A2ML1: variants seen among roughly 807,000 people sequenced by gnomAD.
A2ML1 encodes the protein alpha-2-macroglobulin-like protein 1.
In A2ML1, 161 loss-of-function variants were observed where a neutral mutation model predicts 181.9. The observed-to-expected ratio is 0.89, with a 90% confidence interval of 0.78 to 1.01. The LOEUF is 1.01. Ranked by LOEUF, A2ML1 falls within the 50% of genes least tolerant of loss-of-function variation. The pLI is 0.00. For synonymous variants in A2ML1, 663 were observed against 666.8 expected, an observed-to-expected ratio of 0.99 and a Z score of 0.09; for missense variants, 1,670 against 1,768.1, an observed-to-expected ratio of 0.94 and a Z score of 1.00.
intron 12 of A2ML1, among the ~76,000 whole-genome samples, chr12:8,844,216 C>G (rs185380617): frequency 1.5e-4 from 23 of 150,140 alleles, no homozygotes; most frequent in Non-Finnish European, 3.0e-4. Flanking sequence ...ACAAAACCAG[C>G]TGGGTGGTTG....
Position 8,835,524 on chromosome 12 carries a change from G to C in A2ML1, c.501G>C (p.Arg167Ser). The change falls in exon 6 of 36, where the codon AGG becomes AGC. Residue 167 changes from arginine to serine, a missense_variant. Physicochemically the swap from Arg to Ser is moderately radical, Grantham distance 110. Transcript: ENST00000299698. ...TTGGACAGGATCCAAATAGCAACAG[G>C]ATTGCACAGTGGCTGGAAGTGGTAC... Reference protein sequence around the residue: ...MVELQDPNSNRIAQWLEVVPE... With the variant: ...MVELQDPNSNSIAQWLEVVPE... 2 of 1,614,118 alleles carry C rather than the reference G, an allele frequency of 1.2e-6. No homozygotes were observed. The highest frequency in any genetic ancestry group is 1.7e-6 in the Non-Finnish European group (2 of 1,179,994).
chr12:8,873,049 T>A (rs1944681771), intron 33 of A2ML1, among the ~76,000 whole-genome samples: 1 of 151,886 alleles, frequency 6.6e-6, no homozygotes, highest in Admixed American at 6.6e-5. Flanking sequence ...TGTAAGAGAA[T>A]GAGAGTGGAA....
intron 7 of A2ML1, among the ~76,000 whole-genome samples, chr12:8,883,484 T>C (rs1422030301): frequency 2.0e-5 from 3 of 151,464 alleles, no homozygotes; most frequent in Non-Finnish European, 4.4e-5. Context: ...TCTCTCTCTC[T>C]CTTTTTTTTT....
chr12:8,835,370 C>T (rs1943237969), intron 5 of A2ML1, 137 bp from the exon 6 acceptor site: 6 of 993,338 alleles, frequency 6.0e-6, no homozygotes, highest in Non-Finnish European at 9.0e-6. Context: ...GGGAGCTGCT[C>T]TTCCTGGACA....
chr12:8,879,361 T>G (rs1015697375), downstream of A2ML1, among the ~76,000 whole-genome samples: 4 of 151,488 alleles, frequency 2.6e-5, no homozygotes, highest in African/African-American at 9.7e-5. Flanking sequence ...CGTGGTGGCA[T>G]GCGCCTGTAA....
intron 33 of A2ML1, among the ~76,000 whole-genome samples, chr12:8,872,003 C>T (rs1858900789): frequency 6.6e-6 from 1 of 152,006 alleles, no homozygotes; most frequent in African/African-American, 2.4e-5. Context: ...CACAGTGAAA[C>T]CCCGTCTGTA....
intron 26 of A2ML1, 107 bp downstream of exon 26, chr12:8,858,209 G>A: frequency 7.5e-7 from 1 of 1,339,470 alleles, no homozygotes; most frequent in South Asian, 1.5e-5. Context: ...GTTTTCTCCT[G>A]ATCTCCACTG....
At position 8,868,074 on chromosome 12, in the gene A2ML1, G is replaced by T; in HGVS notation, c.3933+17G>T. ...TATGTGCAGGTAAGTAGAGATCCAT[G>T]AGAATGAGCGGACATTGGGAAGGAG... On this transcript the variant is annotated intron_variant, in intron 30 of 35. Transcript: ENST00000299698. 1.2e-6 allele frequency: 2 copies of T among 1,612,494 alleles called. No individual in the cohort carries two copies. Among genetic ancestry groups the T allele is most frequent in the South Asian group, 2.2e-5 (2 of 91,024 alleles).
At chr12:8,844,038 T>G (rs1255007602) in intron 12 of A2ML1, among the ~76,000 whole-genome samples, 2 of 151,832 alleles carry the variant, frequency 1.3e-5, no homozygotes, top group Non-Finnish European at 2.9e-5. Flanking sequence ...TCAATATTCC[T>G]ATGTGGCTAT....
chr12:8,852,346 G>C lies in A2ML1; in HGVS notation c.2590+10G>C. 1 of 1,613,908 alleles carries C rather than the reference G, an allele frequency of 6.2e-7. No individual in the cohort carries two copies. Among genetic ancestry groups the C allele is most frequent in the Non-Finnish European group, 8.5e-7 (1 of 1,179,870 alleles). ...ACAGCTGTCAAATTGGGTAAGAGAG[G>C]GAAGTGGTAGACGGGCGAGGAAAGC... is the stretch of plus-strand genomic sequence containing the variant. On this transcript the variant is annotated intron_variant, in intron 20 of 35. Transcript: ENST00000299698. The surrounding 1 kb of genome is among the most constrained non-coding windows in gnomAD (Gnocchi z 4.2).
intron 7 of A2ML1, among the ~76,000 whole-genome samples, chr12:8,882,386 A>C (rs899782259): frequency 6.6e-6 from 1 of 152,192 alleles, no homozygotes; most frequent in Non-Finnish European, 1.5e-5. Context: ...AACCAGTATC[A>C]GAAAAGAATC....
downstream of A2ML1, among the ~76,000 whole-genome samples, chr12:8,877,106 C>T (rs1944818740): frequency 6.6e-6 from 1 of 152,206 alleles, no homozygotes; most frequent in Admixed American, 6.5e-5. Context: ...TATCTATCAC[C>T]TATCACCGTG....
At chr12:8,843,717 T>C (rs1256695230) in intron 12 of A2ML1, among the ~76,000 whole-genome samples, 2 of 144,150 alleles carry the variant, frequency 1.4e-5, no homozygotes, top group Non-Finnish European at 3.1e-5. Flanking sequence ...ATTCCTTTTT[T>C]TTTCTTTTTT....
rs1352166459 is a variant in A2ML1, at chr12:8,861,130, T to C, written c.3340-5T>C. ...TAAGTTATAGTCTTCATCTTCACTT[T>C]TTAGGACCCAATGGTGAGTCAGGGT... On this transcript the variant is annotated splice_region_variant and splice_polypyrimidine_tract_variant and intron_variant, in intron 27 of 35. Transcript: ENST00000299698. 6.2e-7 allele frequency: 1 copy of C among 1,614,128 alleles called. No individual in the cohort carries two copies. The highest frequency in any genetic ancestry group is 1.7e-5 in the Admixed American group (1 of 60,024).
rs1478424890 is a variant in A2ML1 at position 8,836,329 on chromosome 12, A to G, written c.718A>G (p.Ile240Val). The G allele has an allele frequency of 2.5e-6, 4 of 1,613,888 alleles. No individual in the cohort carries two copies. Among genetic ancestry groups the G allele is most frequent in the African/African-American group, 2.7e-5 (2 of 74,892 alleles). ...GGTGCAGGAATCTTTCTTAGTAAAA[A>G]TTTGTTGTAGGTAAGAGCAGAAGCT... ...STVQESFLVK[I>V]CCRYTYGKPM... The change falls in exon 7 of 36, where the codon ATT (isoleucine) becomes GTT (valine). Residue 240 changes from isoleucine to valine, a missense_variant. Coordinates refer to ENST00000299698, the MANE Select transcript of A2ML1 (RefSeq NM_144670.6).
chr12:8,848,755 C>T lies in A2ML1; in HGVS notation c.1869C>T (p.Tyr623=), dbSNP rs1332088491. The T allele has an allele frequency of 1.2e-5, 20 of 1,613,518 alleles. No homozygotes were observed. The African/African-American group carries it at 2.3e-4, about 18-fold the overall frequency. ...YGMFPFWYGH[Y]PYQVAEYDQC... ...TGTTTCCATTCTGGTATGGTCACTA[C>T]CCCTATCAAGTGGCTGAGTATGATC... Residue 623 remains tyrosine, a synonymous_variant, in exon 16 of 36, where the codon TAC becomes TAT. Transcript: ENST00000299698.
intron 7 of A2ML1, 147 bp downstream of exon 7, chr12:8,836,486 T>C (rs2136767394): frequency 1.8e-6 from 1 of 546,310 alleles, no homozygotes; most frequent in Non-Finnish European, 3.2e-6. Flanking sequence ...AAGACCTTTT[T>C]TTTTTTTTTT....
chr12:8,867,954 A>G lies in A2ML1; in HGVS notation c.3830A>G (p.Asn1277Ser). 1 of 1,614,270 alleles carries G rather than the reference A, an allele frequency of 6.2e-7. No individual in the cohort carries two copies. Among genetic ancestry groups the G allele is most frequent in the Non-Finnish European group, 8.5e-7 (1 of 1,180,058 alleles). ...KSTENFQRTF[N>S]IQSVNRLVFQ... ...ACTGAGAATTTCCAGCGCACATTCA[A>G]CATACAGTCAGTTAACAGATTGGTA... is the stretch of plus-strand genomic sequence containing the variant. Residue 1277 changes from asparagine to serine, a missense_variant, in exon 30 of 36, where the codon AAC (asparagine) becomes AGC (serine). By Grantham distance (46) the Asn-to-Ser change is conservative (BLOSUM62 1). Coordinates refer to ENST00000299698, the MANE Select transcript of A2ML1 (RefSeq NM_144670.6).
chr12:8,866,851 A>G (rs779705322), intron 29 of A2ML1, among the ~76,000 whole-genome samples: 10 of 151,906 alleles, frequency 6.6e-5, no homozygotes, highest in Admixed American at 5.2e-4. Context: ...TTTTTTTGTA[A>G]TAGATATTTT....
Sources: allele counts gnomAD v4.1 joint callset (sites outside exome capture counted in the v4.1 genomes callset), GRCh38; gene constraint gnomAD v4.1.1; non-coding constraint Gnocchi (gnomAD v3.1); transcripts MANE v1.5; gene names NCBI Gene and HGNC (gene_info 2026-07-23, HGNC 2026-07-21).